Variants in C9orf43 observed in about 807,000 individuals in gnomAD.
C9orf43 encodes chromosome 9 open reading frame 43, also known as uncharacterized protein C9orf43.
C9orf43 carries 45 observed loss-of-function variants against 59.1 expected under a neutral mutation model. That is an observed-to-expected ratio of 0.76 (90% confidence interval 0.60 to 0.98). The LOEUF is 0.98. Ranked by LOEUF, C9orf43 falls within the 50% of genes least tolerant of loss-of-function variation. C9orf43 has a pLI of 0.00. For missense variants in C9orf43, 533 were observed against 554.9 expected, an observed-to-expected ratio of 0.96 and a Z score of 0.40; for synonymous variants, 203 against 196.8, an observed-to-expected ratio of 1.03 and a Z score of -0.26.
Position 113,422,579 on chromosome 9 carries a change from G to A in C9orf43, c.477G>A (p.Ser159=), listed in dbSNP as rs781566022. 6.7e-5 allele frequency: 108 copies of A among 1,613,708 alleles called. No homozygotes were observed. Among genetic ancestry groups the A allele is most frequent in the South Asian group, 1.2e-4 (11 of 91,024 alleles). ...SQHGKKKRKN[S]AVKSKSFLGL... ...ATGGGAAGAAGAAAAGAAAGAACTC[G>A]GCAGTGGTGAGTTTGATGTTTTTGT... The change falls in exon 6 of 14, where the codon TCG becomes TCA. Residue 159 remains serine (S), a synonymous_variant. Transcript: ENST00000374165.
intron 8 of C9orf43, 74 bp from the exon 9 acceptor site, chr9:113,424,945 G>T: frequency 7.7e-7 from 1 of 1,293,576 alleles, no homozygotes; most frequent in Non-Finnish European, 1.1e-6. Context: ...ATGAATAAAC[G>T]CATTTGGGGG....
At chr9:113,411,346 G>C in intron 1 of C9orf43, among the ~76,000 whole-genome samples, 1 of 147,802 alleles carries the variant, frequency 6.8e-6, no homozygotes, top group Non-Finnish European at 1.5e-5. Flanking sequence ...CGCCCAGGTT[G>C]GAGTGCAGTG....
rs1353820429 is a variant in C9orf43, at chr9:113,410,747, A to G, written c.-304A>G. On this transcript the variant is annotated 5_prime_UTR_variant, in exon 1 of 14. Coordinates refer to ENST00000374165, the MANE Select transcript of C9orf43 (RefSeq NM_001278629.2). ...CTGACTCGGCGGGGCGGATCCCTTT[A>G]GGACCCGAGGCAGGCTCTGGGCCCG... 4.8e-6 allele frequency: 1 copy of G among 208,994 alleles called. No homozygotes were observed. The highest frequency in any genetic ancestry group is 9.6e-6 in the Non-Finnish European group (1 of 104,480). The allele number at this position is 208,994 out of a possible 1,614,324, so 12.9% of individuals were successfully genotyped here.
rs528163178 is a variant in C9orf43 at position 113,410,983 on chromosome 9, T to C, written c.-68T>C. ...TGTTCATTTTTAATCTTTTCGCCCC[T>C]CACGCTTTTGTAATAATGGTACTAA... On this transcript the variant is annotated 5_prime_UTR_variant, in exon 1 of 14. Transcript: ENST00000374165. 3 of 986,270 alleles carry C rather than the reference T, an allele frequency of 3.0e-6. No homozygotes were observed. The South Asian group carries it at 1.4e-4, about 46-fold the overall frequency. The allele number at this position is 986,270 out of a possible 1,614,324, so 61.1% of individuals were successfully genotyped here.
intron 11 of C9orf43, among the ~76,000 whole-genome samples, chr9:113,427,630 G>T (rs893989528): frequency 2.0e-5 from 3 of 152,210 alleles, no homozygotes; most frequent in African/African-American, 7.2e-5. Flanking sequence ...ACCAGTGCTG[G>T]TAGGGAGTCC....
chr9:113,411,859 G>T (rs769812627), intron 1 of C9orf43, among the ~76,000 whole-genome samples: 4 of 151,814 alleles, frequency 2.6e-5, no homozygotes, highest in Non-Finnish European at 5.9e-5. Context: ...TGTATTTTTC[G>T]TAGAGACAGG....
intron 11 of C9orf43, among the ~76,000 whole-genome samples, chr9:113,426,254 T>C (rs2119105194): frequency 6.6e-6 from 1 of 152,182 alleles, no homozygotes; most frequent in South Asian, 2.1e-4. Context: ...GGGAGCCAAC[T>C]CTTGTCAGGC....
chr9:113,424,512 ATTTC>A (rs959969568), intron 8 of C9orf43, among the ~76,000 whole-genome samples, 196 bp downstream of exon 8: 3 of 145,540 alleles, frequency 2.1e-5, no homozygotes, highest in African/African-American at 7.6e-5. Flanking sequence ...AATGTTCTCT[ATTTC>A]TTTCTTTTTT....
chr9:113,422,390 A>C (rs532348103), intron 5 of C9orf43, among the ~76,000 whole-genome samples, 159 bp from the exon 6 acceptor site: 3 of 152,244 alleles, frequency 2.0e-5, no homozygotes, highest in Admixed American at 6.5e-5. Flanking sequence ...CCAACCAGCT[A>C]TCTTTGAGTA....
chr9:113,419,619 G>GAGTTATA (rs199727739), intron 4 of C9orf43, among the ~76,000 whole-genome samples: 6,226 of 152,208 alleles, frequency 0.041, 161 homozygotes, highest in South Asian at 0.1. Context: ...CCCTAACTAT[G>GAGTTATA]CACTCTAATA....
chr9:113,413,403 A>G (rs530221333), intron 1 of C9orf43, 42 bp from the exon 2 acceptor site: 3 of 1,481,910 alleles, frequency 2.0e-6, no homozygotes, highest in East Asian at 4.7e-5. Flanking sequence ...CTGTATGGCT[A>G]ATGTATAATA....
chr9:113,421,170 T>C lies in C9orf43; in HGVS notation c.413T>C (p.Leu138Ser), dbSNP rs765014037. The change falls in exon 5 of 14, where the codon TTG (leucine) becomes TCG (serine). Residue 138 changes from leucine to serine, a missense_variant. By Grantham distance (145) the Leu-to-Ser change is moderately radical (BLOSUM62 -2). Transcript: ENST00000374165. ...CPEDVRNMVVLWIPEETEIHV... is the reference protein window; with the variant it reads ...CPEDVRNMVVSWIPEETEIHV... ...GAAGATGTTAGAAATATGGTTGTAT[T>C]GTGGATCCCAGAAGAAACAGAGATA... 48 of 1,613,432 alleles carry C rather than the reference T, an allele frequency of 3.0e-5. No homozygotes were observed. Among genetic ancestry groups the C allele is most frequent in the Admixed American group, 5.0e-5 (3 of 59,984 alleles).
chr9:113,424,100 T>G, intron 7 of C9orf43, 66 bp from the exon 8 acceptor site: 10 of 1,515,134 alleles, frequency 6.6e-6, no homozygotes, highest in Non-Finnish European at 8.8e-6. Context: ...TACATCTCTT[T>G]CTCCTCAGCC....
Position 113,425,743 on chromosome 9 carries a change from T to C in C9orf43, c.1030+13T>C. 19 of 1,601,904 alleles carry C rather than the reference T, an allele frequency of 1.2e-5. No homozygotes were observed. Among genetic ancestry groups the C allele is most frequent in the Non-Finnish European group, 1.6e-5 (19 of 1,168,916 alleles). On this transcript the variant is annotated intron_variant, in intron 11 of 13. Transcript: ENST00000374165. ...GACCGTCTCTATGGTAAGGGGAATA[T>C]ATGCTTGGTTGGGGGTGATAGGATC...
chr9:113,418,999 A>T, intron 3 of C9orf43, 109 bp from the exon 4 acceptor site: 2 of 871,006 alleles, frequency 2.3e-6, no homozygotes, highest in Non-Finnish European at 3.6e-6. Context: ...GGTAAGCATT[A>T]AGCCCAAGGT....
intron 5 of C9orf43, 134 bp from the exon 6 acceptor site, chr9:113,422,415 G>A: frequency 1.6e-6 from 2 of 1,254,392 alleles, no homozygotes; most frequent in African/African-American, 1.5e-5. Flanking sequence ...TCAAAGATAG[G>A]AATCTTTGTG....
At chr9:113,411,091 A>G (rs1437266101) in intron 1 of C9orf43, 90 bp downstream of exon 1, 2 of 985,466 alleles carry the variant, frequency 2.0e-6, no homozygotes. Flanking sequence ...TGCTGGCCAT[A>G]TAGAGATGCG....
rs866808881 is a variant in C9orf43 at position 113,426,188 on chromosome 9, A to G, written c.1030+458A>G. Among the ~76,000 whole-genome samples, 4 of 152,234 alleles carry G rather than the reference A, an allele frequency of 2.6e-5. No individual in the cohort carries two copies. In the South Asian group the frequency reaches 8.3e-4, roughly 32 times the overall value. ...CTAACCTTCCTGCCACAAGGTAGAG[A>G]GTCTCTGGAGCCTCACGTTAAAATC... On this transcript the variant is annotated intron_variant, in intron 11 of 13. Transcript: ENST00000374165.
intron 8 of C9orf43, 42 bp from the exon 9 acceptor site, chr9:113,424,977 G>A (rs759729078): frequency 1.3e-6 from 2 of 1,555,898 alleles, no homozygotes; most frequent in Non-Finnish European, 1.8e-6. Flanking sequence ...GAAAGGGAAA[G>A]ACCTGCAGTA....
Sources: allele counts gnomAD v4.1 joint callset (sites outside exome capture counted in the v4.1 genomes callset), GRCh38; gene constraint gnomAD v4.1.1; transcripts MANE v1.5; gene names NCBI Gene and HGNC (gene_info 2026-07-23, HGNC 2026-07-21).